The following DGAT2 variants were observed in gnomAD, a reference collection of about 807,000 sequenced individuals.
DGAT2 encodes the protein diacylglycerol O-acyltransferase 2, also known as acyl-CoA retinol O-fatty-acyltransferase.
A neutral mutation model predicts 48.4 loss-of-function variants in DGAT2; 33 were observed. The ratio of observed to expected loss-of-function variants is 0.68; its 90% CI spans 0.52 to 0.91. DGAT2 has a LOEUF of 0.91. Among genes scored for constraint, DGAT2 ranks in the 40% least tolerant of loss-of-function variants. The probability of loss-of-function intolerance (pLI) is 0.00; values close to 1 mark genes in which losing one functional copy is unlikely to be tolerated. For missense variants in DGAT2, 446 were observed against 493.7 expected (o/e 0.90, Z 0.92); for synonymous variants, 191 against 194.1 (o/e 0.98, Z 0.13).
rs540453643 is a variant in DGAT2 at position 75,788,908 on chromosome 11, G to A, written c.251-1280G>A. ...GATGATATGTAGATAGTATGATATT[G>A]GGGAACACTTCTTGAAGAGCTGAGG... On this transcript the variant is annotated intron_variant, in intron 2 of 7. Transcript: ENST00000228027. 2.0e-5 allele frequency among the ~76,000 whole-genome samples: 3 copies of A among 152,322 alleles called. No individual in the cohort carries two copies. The South Asian group carries it at 6.2e-4, about 32-fold the overall frequency.
intron 7 of DGAT2, among the ~76,000 whole-genome samples, chr11:75,800,121 G>A (rs1945094889): frequency 6.6e-6 from 1 of 152,144 alleles, no homozygotes; most frequent in Non-Finnish European, 1.5e-5. Context: ...AACCAGTCTT[G>A]ATCCCATCTG....
intron 2 of DGAT2, among the ~76,000 whole-genome samples, chr11:75,787,425 A>G (rs1440933755): frequency 2.0e-5 from 3 of 152,230 alleles, no homozygotes; most frequent in Non-Finnish European, 4.4e-5. Flanking sequence ...CTTCCCTGCC[A>G]TTGAGCATCC....
At chr11:75,770,264 G>A (rs1179974793) in intron 1 of DGAT2, among the ~76,000 whole-genome samples, 2 of 152,178 alleles carry the variant, frequency 1.3e-5, no homozygotes, top group Non-Finnish European at 2.9e-5. Flanking sequence ...AACCCACCCT[G>A]CAGCTGTACC....
intron 1 of DGAT2, among the ~76,000 whole-genome samples, chr11:75,781,687 C>T (rs1268929083): frequency 4.6e-5 from 7 of 152,202 alleles, no homozygotes; most frequent in African/African-American, 1.7e-4. Context: ...GCAGAGCGAG[C>T]TGTGGGCGGT....
At chr11:75,796,952 C>T (rs748018368) in intron 5 of DGAT2, 40 of 510,198 alleles carry the variant, frequency 7.8e-5, no homozygotes, top group Non-Finnish European at 9.7e-5. Context: ...CCAAAACAAC[C>T]TTGTATCATT....
chr11:75,778,013 G>A (rs1944818998), intron 1 of DGAT2, among the ~76,000 whole-genome samples: 1 of 152,166 alleles, frequency 6.6e-6, no homozygotes, highest in South Asian at 2.1e-4. Flanking sequence ...TGCCTCTGAG[G>A]CAGGACATCA....
chr11:75,780,699 G>C (rs1479118975), intron 1 of DGAT2, among the ~76,000 whole-genome samples: 2 of 152,236 alleles, frequency 1.3e-5, no homozygotes, highest in African/African-American at 4.8e-5. Flanking sequence ...GAAGGAACTT[G>C]GGGACATGCA....
rs1023938998 is a variant in DGAT2 at position 75,782,056 on chromosome 11, C to T, written c.122-2562C>T. ...GTAGGGAGCTAGATAAGTTGACTCC[C>T]AGCATGCCTCTTCCCTACGCACCCC... On this transcript the variant is annotated intron_variant, in intron 1 of 7. Coordinates refer to ENST00000228027, the MANE Select transcript of DGAT2 (RefSeq NM_032564.5). Among the ~76,000 whole-genome samples, 17 of 152,114 alleles carry T rather than the reference C, an allele frequency of 1.1e-4. 1 individual carries two copies. The highest frequency in any genetic ancestry group is 1.1e-3 in the Admixed American group (17 of 15,264).
rs561493105 is a variant in DGAT2 at position 75,769,222 on chromosome 11, C to T, written c.121+110C>T. On this transcript the variant is annotated intron_variant, in intron 1 of 7. Coordinates refer to ENST00000228027, the MANE Select transcript of DGAT2 (RefSeq NM_032564.5). Reference sequence around the variant, plus strand: ...TCCACGTTCATTCTCCACTGTGGCACTCATCAATTTTTACGACCTCTGTTA... The same window carrying T: ...TCCACGTTCATTCTCCACTGTGGCATTCATCAATTTTTACGACCTCTGTTA... 107 of 1,322,568 alleles carry T rather than the reference C, an allele frequency of 8.1e-5. No homozygotes were observed. The South Asian group carries it at 1.8e-3, about 23-fold the overall frequency. The allele number at this position is 1,322,568 out of a possible 1,614,324, so 81.9% of individuals were successfully genotyped here.
intron 2 of DGAT2, among the ~76,000 whole-genome samples, chr11:75,787,380 C>T (rs1944932697): frequency 6.6e-6 from 1 of 152,252 alleles, no homozygotes; most frequent in Admixed American, 6.5e-5. Flanking sequence ...TGTTTGGTCT[C>T]AGAGTCCATG....
At chr11:75,789,126 G>A (rs1203708313) in intron 2 of DGAT2, among the ~76,000 whole-genome samples, 8 of 152,052 alleles carry the variant, frequency 5.3e-5, no homozygotes, top group African/African-American at 1.9e-4. Flanking sequence ...CCCCAGGCAA[G>A]TCTTCCAAGT....
chr11:75,800,532 T>G lies in DGAT2; in HGVS notation c.*24T>G. On this transcript the variant is annotated 3_prime_UTR_variant, in exon 8 of 8. Transcript: ENST00000228027. ...GAGCCAGCCTTCGGGGCCAATTCCCTGGAGGAACCAGCTGCAAATCACTTT... is the reference window on the plus strand; with the variant it reads ...GAGCCAGCCTTCGGGGCCAATTCCCGGGAGGAACCAGCTGCAAATCACTTT... 6.2e-7 allele frequency: 1 copy of G among 1,610,650 alleles called. No homozygotes were observed. Among genetic ancestry groups the G allele is most frequent in the Non-Finnish European group, 8.5e-7 (1 of 1,178,384 alleles).
chr11:75,780,515 A>G (rs144123000), intron 1 of DGAT2, among the ~76,000 whole-genome samples: 101 of 152,288 alleles, frequency 6.6e-4, no homozygotes, highest in African/African-American at 2.4e-3. Flanking sequence ...GAGACTTAGC[A>G]TGGGAGTTGG....
chr11:75,792,321 T>C (rs1944998609), intron 4 of DGAT2: 1 of 152,232 alleles, frequency 6.6e-6, no homozygotes, highest in South Asian at 2.1e-4. Flanking sequence ...AAAGCCAAAC[T>C]GGGCCCGAGG....
intron 7 of DGAT2, among the ~76,000 whole-genome samples, chr11:75,798,705 G>C (rs1945082096): frequency 6.6e-6 from 1 of 152,198 alleles, no homozygotes; most frequent in Admixed American, 6.5e-5. Flanking sequence ...TATCAGGGAA[G>C]ACTATTGCAG....
chr11:75,797,010 C>A, intron 5 of DGAT2, 148 bp from the exon 6 acceptor site: 1 of 716,246 alleles, frequency 1.4e-6, no homozygotes, highest in Non-Finnish European at 2.2e-6. Context: ...AAATGAATAG[C>A]TTACACAGAA....
chr11:75,773,012 CAG>C (rs768653551), intron 1 of DGAT2, among the ~76,000 whole-genome samples: 3 of 152,146 alleles, frequency 2.0e-5, no homozygotes, highest in Non-Finnish European at 4.4e-5. Flanking sequence ...AAAGAACAAA[CAG>C]AAAAAGAATA....
At chr11:75,789,983 G>A (rs1049189055) in intron 2 of DGAT2, among the ~76,000 whole-genome samples, 3 of 152,218 alleles carry the variant, frequency 2.0e-5, no homozygotes, top group Non-Finnish European at 2.9e-5. Context: ...ATCAGAGTCT[G>A]GGAGATGAGG....
At position 75,800,648 on chromosome 11, in the gene DGAT2, C is replaced by T; in HGVS notation, c.*140C>T. 1 of 1,084,188 alleles carries T rather than the reference C, an allele frequency of 9.2e-7. No individual in the cohort carries two copies. The highest frequency in any genetic ancestry group is 1.3e-6 in the Non-Finnish European group (1 of 778,050). The allele number at this position is 1,084,188 out of a possible 1,614,324, so 67.2% of individuals were successfully genotyped here. On this transcript the variant is annotated 3_prime_UTR_variant, in exon 8 of 8. Transcript: ENST00000228027. Reference sequence around the variant, plus strand: ...TTGCTAAACCATTACAATGTTAGGTCTTTTTTAAGAAGGAAAAAGTCAGTA... The same window carrying T: ...TTGCTAAACCATTACAATGTTAGGTTTTTTTTAAGAAGGAAAAAGTCAGTA...
Sources: gnomAD v4.1 joint callset for allele counts (sites outside exome capture counted in the v4.1 genomes callset) on GRCh38, gnomAD v4.1.1 for gene constraint, MANE v1.5 for transcripts, NCBI Gene and HGNC (gene_info 2026-07-23, HGNC 2026-07-21) for gene names.